GLIS3: variants seen among roughly 807,000 people sequenced by gnomAD.
GLIS3 encodes GLIS family zinc finger 3, also known as zinc finger protein GLIS3.
In GLIS3, 53 loss-of-function variants were observed where a neutral mutation model predicts 78.6. The ratio of observed to expected loss-of-function variants is 0.67; its 90% confidence interval spans 0.54 to 0.85. The LOEUF (loss-of-function observed/expected upper bound fraction) is 0.85. Among genes scored for constraint, GLIS3 ranks in the 40% least tolerant of loss-of-function variants. The probability of loss-of-function intolerance (pLI) is 0.00; values close to 1 mark genes in which losing one functional copy is unlikely to be tolerated. For synonymous variants in GLIS3, 684 were observed against 509.9 expected (o/e 1.34, Z -4.60); for missense variants, 1,703 against 1,231.1 (o/e 1.38, Z -5.74).
At chr9:4,082,022 G>C (rs1019592581) in intron 4 of GLIS3, among the ~76,000 whole-genome samples, 1 of 152,172 alleles carries the variant, frequency 6.6e-6, no homozygotes, top group Non-Finnish European at 1.5e-5. Flanking sequence ...AACATCCAAA[G>C]ACAGAGGACA....
chr9:4,039,926 C>CCAA (rs1824658254), intron 4 of GLIS3, among the ~76,000 whole-genome samples: 1 of 152,192 alleles, frequency 6.6e-6, no homozygotes, highest in African/African-American at 2.4e-5. Flanking sequence ...TGGGTCAATG[C>CCAA]CAAGCCCAAG....
At chr9:4,257,630 C>G (rs1295028615) in intron 2 of GLIS3, among the ~76,000 whole-genome samples, 1 of 150,570 alleles carries the variant, frequency 6.6e-6, no homozygotes, top group African/African-American at 2.4e-5. Flanking sequence ...TTGGAGTGCA[C>G]TGGCACAATC....
At chr9:4,014,070 GC>G (rs1822251918) in intron 4 of GLIS3, among the ~76,000 whole-genome samples, 1 of 152,152 alleles carries the variant, frequency 6.6e-6, no homozygotes, top group East Asian at 1.9e-4. Flanking sequence ...TTCACATGTG[GC>G]CCAAGAATCA....
chr9:4,435,920 G>A, the GLIS3 span, among the ~76,000 whole-genome samples: 2 of 152,170 alleles, frequency 1.3e-5, no homozygotes, highest in Non-Finnish European at 1.5e-5. Flanking sequence ...CTGCACTCCA[G>A]CCTGGGTGAC....
intron 2 of GLIS3, among the ~76,000 whole-genome samples, chr9:4,226,261 T>C (rs1215583789): frequency 6.6e-6 from 1 of 152,234 alleles, no homozygotes. Flanking sequence ...TGGTTAATTA[T>C]TTTGTTCTTA....
chr9:4,192,091 G>T (rs1818382839), intron 2 of GLIS3, among the ~76,000 whole-genome samples: 1 of 152,096 alleles, frequency 6.6e-6, no homozygotes, highest in Non-Finnish European at 1.5e-5. Flanking sequence ...GCATGGCAAA[G>T]AAAACGATAA....
intron 1 of GLIS3, among the ~76,000 whole-genome samples, chr9:4,294,691 T>C (rs1426101832): frequency 7.3e-6 from 1 of 136,864 alleles, no homozygotes; most frequent in East Asian, 2.4e-4. Flanking sequence ...GTCTAAATTC[T>C]AATTTTATTA....
At position 4,148,121 on chromosome 9, in the gene GLIS3, G is replaced by C. The variant is rs557095827; in HGVS notation, c.389-22180C>G. On this transcript the variant is annotated intron_variant, in intron 2 of 10. Coordinates refer to ENST00000381971, the MANE Select transcript of GLIS3 (RefSeq NM_001042413.2). ...AGTTACTGGTTAACTACACAAAGGA[G>C]TTAACATTTAACTTGAACACCAGGA... 1.1e-4 allele frequency among the ~76,000 whole-genome samples: 17 copies of C among 152,158 alleles called. 1 individual carries two copies. In the South Asian group the frequency reaches 3.5e-3, roughly 32 times the overall value.
chr9:3,892,813 A>G (rs1370370885), intron 7 of GLIS3, among the ~76,000 whole-genome samples: 1 of 152,170 alleles, frequency 6.6e-6, no homozygotes, highest in African/African-American at 2.4e-5. Flanking sequence ...CATAAAAAGT[A>G]TTAGCTTCTC....
At chr9:4,234,595 T>C (rs1478259677) in intron 2 of GLIS3, among the ~76,000 whole-genome samples, 1 of 152,170 alleles carries the variant, frequency 6.6e-6, no homozygotes. Context: ...ACGGAAAAGT[T>C]TGAAATATTA....
At chr9:4,323,526 T>G (rs1434618364) in intron 2 of GLIS3, among the ~76,000 whole-genome samples, 1 of 152,248 alleles carries the variant, frequency 6.6e-6, no homozygotes, top group East Asian at 1.9e-4. Flanking sequence ...CTGCCTGCAA[T>G]GCTTTCTGTC....
At chr9:4,068,100 T>C (rs1827259369) in intron 4 of GLIS3, among the ~76,000 whole-genome samples, 1 of 152,122 alleles carries the variant, frequency 6.6e-6, no homozygotes, top group Non-Finnish European at 1.5e-5. Context: ...AATGGAGAAG[T>C]GTTACTATAA....
Position 4,098,955 on chromosome 9 carries a change from C to T in GLIS3, c.1710+18813G>A, listed in dbSNP as rs76114596. On this transcript the variant is annotated intron_variant, in intron 4 of 10. Coordinates refer to ENST00000381971, the MANE Select transcript of GLIS3 (RefSeq NM_001042413.2). ...AATAGTCAGCTTCAGAAAACACACA[C>T]TACAAGTAAGTCTGAAGCCCTGACA... Among the ~76,000 whole-genome samples, 50 of 152,306 alleles carry T rather than the reference C, an allele frequency of 3.3e-4. 1 individual carries two copies. Among genetic ancestry groups the T allele is most frequent in the Admixed American group, 2.0e-3 (30 of 15,304 alleles).
At chr9:4,072,757 G>C (rs548248136) in intron 4 of GLIS3, among the ~76,000 whole-genome samples, 2 of 149,338 alleles carry the variant, frequency 1.3e-5, no homozygotes, top group Non-Finnish European at 3.0e-5. Flanking sequence ...TTTTGTTGTT[G>C]TTGTTATATC....
chr9:4,480,403 T>C, the GLIS3 span, among the ~76,000 whole-genome samples: 5 of 152,070 alleles, frequency 3.3e-5, no homozygotes, highest in Non-Finnish European at 7.4e-5. Flanking sequence ...TGTCTCATTA[T>C]GTTTTTCAGG....
intron 2 of GLIS3, among the ~76,000 whole-genome samples, chr9:4,260,233 C>A (rs967768757): frequency 6.6e-6 from 1 of 152,104 alleles, no homozygotes; most frequent in Non-Finnish European, 1.5e-5. Flanking sequence ...GAGATTGAGA[C>A]CATCCTGCCC....
the GLIS3 span, among the ~76,000 whole-genome samples, chr9:4,486,560 C>G: frequency 6.6e-6 from 1 of 152,308 alleles, no homozygotes; most frequent in African/African-American, 2.4e-5. Context: ...CATTGGGAGG[C>G]TAGGTCTTCA....
At position 4,295,866 on chromosome 9, in the gene GLIS3, T is replaced by C. The variant is rs1361214544; in HGVS notation, c.-99+3555A>G. On this transcript the variant is annotated intron_variant, in intron 1 of 10. Transcript: ENST00000381971. ...ACTTGGACATCTTTTAATCAAACTA[T>C]GTATCAATGTCATTTCAAAGGTTTT... Among the ~76,000 whole-genome samples, 7 of 152,194 alleles carry C rather than the reference T, an allele frequency of 4.6e-5. No homozygotes were observed. In the East Asian group the frequency reaches 1.2e-3, roughly 25 times the overall value.
At chr9:4,447,547 G>C in the GLIS3 span, among the ~76,000 whole-genome samples, 1 of 152,024 alleles carries the variant, frequency 6.6e-6, no homozygotes, top group Admixed American at 6.6e-5. Context: ...TATACCTATT[G>C]TCCCAAGCAG....
Sources: allele counts gnomAD v4.1 joint callset (sites outside exome capture counted in the v4.1 genomes callset), GRCh38; gene constraint gnomAD v4.1.1; transcripts MANE v1.5; gene names NCBI Gene and HGNC (gene_info 2026-07-23, HGNC 2026-07-21).